The following OLFM3 variants were observed in gnomAD, a reference collection of about 807,000 sequenced individuals.
OLFM3 encodes olfactomedin 3.
In OLFM3, 20 loss-of-function variants were observed where a neutral mutation model predicts 48.6. The ratio of observed to expected loss-of-function variants is 0.41; its 90% confidence interval spans 0.29 to 0.60. OLFM3 has a LOEUF of 0.60. Among genes scored for constraint, OLFM3 ranks in the 20% least tolerant of loss-of-function variants. The pLI, the probability that OLFM3 is intolerant of heterozygous loss-of-function variation, is 0.28. For missense variants in OLFM3, 437 were observed against 544.3 expected, an observed-to-expected ratio of 0.80 and a Z score of 1.96; for synonymous variants, 222 against 198.1, an observed-to-expected ratio of 1.12 and a Z score of -1.01.
chr1:101,895,412 T>TACACACACAC (rs35047632), intron 1 of OLFM3, among the ~76,000 whole-genome samples: 122 of 144,202 alleles, frequency 8.5e-4, no homozygotes, highest in South Asian at 4.2e-3. Flanking sequence ...AGCTCAAGAA[T>TACACACACAC]ACACACACAC....
rs541002790 is a variant in OLFM3, at chr1:101,828,090, T to C, written c.372+2582A>G. Reference sequence around the variant, plus strand: ...TGTCTCTCTCTCTCTCCTCCTGCCTTGTGAAGAAGGTGACTGCTTCCCCTT... The same window carrying C: ...TGTCTCTCTCTCTCTCCTCCTGCCTCGTGAAGAAGGTGACTGCTTCCCCTT... On this transcript the variant is annotated intron_variant, in intron 3 of 5. Transcript: ENST00000370103. Among the ~76,000 whole-genome samples, 17 of 91,272 alleles carry C rather than the reference T, an allele frequency of 1.9e-4. No individual in the cohort carries two copies. The East Asian group carries it at 3.2e-3, about 17-fold the overall frequency. The allele number at this position is 91,272 out of a possible 152,430, so 59.9% of individuals were successfully genotyped here. A position where few individuals can be genotyped will look rare whatever the true frequency, so the allele number is the denominator to read the frequency against.
At chr1:101,873,708 G>A (rs1268446561) in intron 1 of OLFM3, among the ~76,000 whole-genome samples, 1 of 151,632 alleles carries the variant, frequency 6.6e-6, no homozygotes, top group African/African-American at 2.4e-5. Context: ...CATATGGCCT[G>A]TGTTCAAATT....
At chr1:101,846,191 A>G (rs2100941328) in intron 1 of OLFM3, among the ~76,000 whole-genome samples, 1 of 152,354 alleles carries the variant, frequency 6.6e-6, no homozygotes, top group South Asian at 2.1e-4. Context: ...TTAATTTTAG[A>G]TGAATGAAGA....
chr1:101,867,394 T>C (rs952324019), intron 1 of OLFM3, among the ~76,000 whole-genome samples: 2 of 152,248 alleles, frequency 1.3e-5, no homozygotes, highest in Admixed American at 1.3e-4. Context: ...TAATTGTTCT[T>C]AATGTTCTTA....
chr1:101,855,448 C>T (rs1282538327), intron 1 of OLFM3, among the ~76,000 whole-genome samples: 2 of 152,064 alleles, frequency 1.3e-5, no homozygotes, highest in Admixed American at 6.6e-5. Context: ...GTCTCATACA[C>T]ACACTCACCT....
intron 5 of OLFM3, 45 bp downstream of exon 5, chr1:101,806,031 A>G: frequency 7.1e-7 from 1 of 1,413,634 alleles, no homozygotes; most frequent in Non-Finnish European, 1.0e-6. Context: ...AAAAAGTGTA[A>G]GCAGAACTTA....
intron 1 of OLFM3, among the ~76,000 whole-genome samples, chr1:101,902,013 G>C (rs2101019044): frequency 6.6e-6 from 1 of 152,074 alleles, no homozygotes; most frequent in South Asian, 2.1e-4. Context: ...AATTATTAGA[G>C]AGCAACAGGG....
chr1:101,882,291 G>T (rs1045995727), intron 1 of OLFM3, among the ~76,000 whole-genome samples: 1 of 146,512 alleles, frequency 6.8e-6, no homozygotes. Flanking sequence ...ACAACACTAT[G>T]TTATTTCTAC....
intron 4 of OLFM3, among the ~76,000 whole-genome samples, chr1:101,814,691 C>T (rs1028994665): frequency 2.0e-5 from 3 of 152,174 alleles, no homozygotes; most frequent in African/African-American, 2.4e-5. Context: ...GATTTGAATC[C>T]TGATTTTATC....
intron 1 of OLFM3, among the ~76,000 whole-genome samples, chr1:101,861,927 A>G (rs1308587653): frequency 2.0e-5 from 3 of 152,234 alleles, no homozygotes; most frequent in Non-Finnish European, 4.4e-5. Context: ...GAGATTGCAC[A>G]GCAGAAGCAT....
At chr1:101,856,850 T>C (rs1656443795) in intron 1 of OLFM3, among the ~76,000 whole-genome samples, 1 of 151,990 alleles carries the variant, frequency 6.6e-6, no homozygotes, top group Admixed American at 6.6e-5. Context: ...ATTATGTATA[T>C]TGGATTCAAA....
At position 101,911,867 on chromosome 1, in the gene OLFM3, G is replaced by A. The variant is rs549312999; in HGVS notation, c.70-74842C>T. 2.6e-5 allele frequency among the ~76,000 whole-genome samples: 4 copies of A among 152,284 alleles called. No individual in the cohort carries two copies. In the South Asian group the frequency reaches 8.3e-4, roughly 32 times the overall value. On this transcript the variant is annotated intron_variant, in intron 1 of 5. Transcript: ENST00000370103. ...TTACAAGATTGCAAATTACTTCTTT[G>A]AACTTTCTCCCATATCTTGAATCTC... is the stretch of plus-strand genomic sequence containing the variant.
intron 3 of OLFM3, among the ~76,000 whole-genome samples, chr1:101,829,641 T>C (rs1473881955): frequency 6.6e-6 from 1 of 152,240 alleles, no homozygotes; most frequent in Non-Finnish European, 1.5e-5. Flanking sequence ...AGCACTCCTT[T>C]CCTTGCCCAA....
At chr1:101,873,758 C>CT (rs1657183337) in intron 1 of OLFM3, among the ~76,000 whole-genome samples, 1 of 151,656 alleles carries the variant, frequency 6.6e-6, no homozygotes, top group African/African-American at 2.4e-5. Context: ...GTTACTAGAT[C>CT]TTTTTTCAGT....
intron 2 of OLFM3, among the ~76,000 whole-genome samples, chr1:101,834,453 G>T (rs1207049808): frequency 6.6e-6 from 1 of 152,142 alleles, no homozygotes; most frequent in African/African-American, 2.4e-5. Context: ...AGTGAAGGAG[G>T]TGCTTAAAGG....
intron 3 of OLFM3, among the ~76,000 whole-genome samples, chr1:101,827,413 G>A (rs1052049366): frequency 1.3e-5 from 2 of 151,760 alleles, no homozygotes; most frequent in African/African-American, 2.4e-5. Context: ...TCCACCTCCC[G>A]GGTTCACGCC....
chr1:101,924,052 G>C (rs1489150819), intron 1 of OLFM3, among the ~76,000 whole-genome samples: 3 of 152,210 alleles, frequency 2.0e-5, no homozygotes, highest in East Asian at 3.9e-4. Flanking sequence ...ATTCCCATTA[G>C]CTAAGAAAAA....
At chr1:101,834,395 A>G (rs758081722) in intron 2 of OLFM3, among the ~76,000 whole-genome samples, 5 of 152,254 alleles carry the variant, frequency 3.3e-5, no homozygotes, top group Non-Finnish European at 5.9e-5. Context: ...TATTGTCTTT[A>G]TTAACAATAT....
intron 1 of OLFM3, among the ~76,000 whole-genome samples, chr1:101,867,030 G>C (rs1163844796): frequency 6.6e-6 from 1 of 152,164 alleles, no homozygotes; most frequent in Non-Finnish European, 1.5e-5. Context: ...CAATGGGGCA[G>C]CATTATGATA....
Sources: allele counts gnomAD v4.1 joint callset (sites outside exome capture counted in the v4.1 genomes callset), GRCh38; gene constraint gnomAD v4.1.1; transcripts MANE v1.5; gene names NCBI Gene and HGNC (gene_info 2026-07-23, HGNC 2026-07-21).